The following RRM2 variants were observed in gnomAD, a reference collection of about 807,000 sequenced individuals.
RRM2 encodes the protein ribonucleotide reductase regulatory subunit M2.
RRM2 carries 6 observed loss-of-function variants against 45.9 expected under a neutral mutation model. The observed-to-expected ratio is 0.13, with a 90% CI of 0.07 to 0.26. The LOEUF (loss-of-function observed/expected upper bound fraction) is 0.26. Among genes scored for constraint, RRM2 ranks in the 10% least tolerant of loss-of-function variants. RRM2 has a pLI of 1.00. For missense variants in RRM2, 343 were observed against 489.5 expected (o/e 0.70, Z 2.82); for synonymous variants, 177 against 173.0 (o/e 1.02, Z -0.18).
intron 3 of RRM2, among the ~76,000 whole-genome samples, chr2:10,177,281 TA>T (rs35834143): frequency 0.61 from 91,880 of 151,468 alleles, 28,292 homozygotes; most frequent in Non-Finnish European, 0.66. Flanking sequence ...TAAAATAGAA[TA>T]AAAAAAAATA....
chr2:10,206,227 C>T (rs907821717), intron 3 of RRM2, among the ~76,000 whole-genome samples: 4 of 133,426 alleles, frequency 3.0e-5, no homozygotes, highest in African/African-American at 1.1e-4. Context: ...GCCTGGGCAA[C>T]AGAGCAAGAC....
At chr2:10,179,032 G>A (rs6728835) in intron 3 of RRM2, among the ~76,000 whole-genome samples, 124,336 of 151,972 alleles carry the variant, frequency 0.82, 51,540 homozygotes, top group East Asian at 1. Context: ...ATGCAGTCTA[G>A]GGTATTTTGT....
chr2:10,203,546 C>G (rs922340760), intron 3 of RRM2, among the ~76,000 whole-genome samples: 3 of 152,100 alleles, frequency 2.0e-5, no homozygotes, highest in Non-Finnish European at 4.4e-5. Flanking sequence ...GTCAGGAGTT[C>G]GAGCCCAGCC....
At chr2:10,177,702 C>T (rs865884543) in intron 3 of RRM2, among the ~76,000 whole-genome samples, 12 of 142,400 alleles carry the variant, frequency 8.4e-5, no homozygotes, top group African/African-American at 2.9e-4. Flanking sequence ...TTCCTTCCTT[C>T]CTTCCTCTCT....
chr2:10,148,561 GTC>G (rs1355794849), intron 3 of RRM2, among the ~76,000 whole-genome samples: 5 of 152,230 alleles, frequency 3.3e-5, no homozygotes, highest in African/African-American at 1.2e-4. Flanking sequence ...CTGTGGGAAA[GTC>G]TGAGTCTAAC....
rs1396361244 is a variant in RRM2 at position 10,127,665 on chromosome 2, G to T, written c.798+445G>T. 6.6e-6 allele frequency among the ~76,000 whole-genome samples: 1 copy of T among 151,798 alleles called. No homozygotes were observed. Among genetic ancestry groups the T allele is most frequent in the Non-Finnish European group, 1.5e-5 (1 of 67,976 alleles). The stretch of plus-strand genomic sequence containing the variant: ...AATTTTCGTCTTTTTATACAGACGG[G>T]GTTTCACCATGTTTGCCAGACTGGG... On this transcript the variant is annotated intron_variant, in intron 7 of 9. Coordinates refer to ENST00000304567, the MANE Select transcript of RRM2 (RefSeq NM_001034.4). The surrounding 1 kb of genome is among the most constrained non-coding windows in gnomAD (Gnocchi z 4.1).
chr2:10,184,420 G>T (rs1291929237), intron 3 of RRM2, among the ~76,000 whole-genome samples: 1 of 152,252 alleles, frequency 6.6e-6, no homozygotes, highest in Non-Finnish European at 1.5e-5. Context: ...GCTCAGGTTG[G>T]CTGGGATGGT....
intron 3 of RRM2, among the ~76,000 whole-genome samples, chr2:10,197,989 C>T (rs1664449489): frequency 6.6e-6 from 1 of 152,172 alleles, no homozygotes; most frequent in South Asian, 2.1e-4. Flanking sequence ...TCCCTCCCTA[C>T]AAGCACGCTC....
At chr2:10,122,718 T>G, upstream of RRM2, 1 of 1,551,314 alleles carries the variant, frequency 6.4e-7, no homozygotes, top group Non-Finnish European at 8.7e-7. Flanking sequence ...ATTTAAAGGC[T>G]GCTGGAGTGA....
chr2:10,170,218 C>T (rs1302873048), intron 3 of RRM2, among the ~76,000 whole-genome samples: 1 of 152,216 alleles, frequency 6.6e-6, no homozygotes, highest in African/African-American at 2.4e-5. Flanking sequence ...TTCCCAATTA[C>T]CTTTCATATT....
chr2:10,170,650 G>C (rs1663781930), intron 3 of RRM2, among the ~76,000 whole-genome samples: 1 of 152,100 alleles, frequency 6.6e-6, no homozygotes, highest in African/African-American at 2.4e-5. Context: ...CTGGGTCATG[G>C]GTCATTTACG....
chr2:10,124,730 G>C lies in RRM2; in HGVS notation c.449G>C (p.Ser150Thr). 4.3e-6 allele frequency: 7 copies of C among 1,611,664 alleles called. No homozygotes were observed. The highest frequency in any genetic ancestry group is 5.9e-6 in the Non-Finnish European group (7 of 1,179,770). ...TTTTGCCACTAGGTGGAGCGATTTAGCCAAGAAGTTCAGATTACAGAAGCC... is the reference window on the plus strand; with the variant it reads ...TTTTGCCACTAGGTGGAGCGATTTACCCAAGAAGTTCAGATTACAGAAGCC... ...IVNENLVERF[S>T]QEVQITEARC... The change falls in exon 5 of 10, where the codon AGC becomes ACC. Residue 150 changes from serine to threonine, a missense_variant. This residue lies in a region of RRM2 where 212 missense variants were observed against 368.1 expected (regional missense o/e 0.58). Coordinates refer to ENST00000304567, the MANE Select transcript of RRM2 (RefSeq NM_001034.4).
At chr2:10,137,919 G>T (rs1481799919), upstream of RRM2, among the ~76,000 whole-genome samples, 2 of 152,204 alleles carry the variant, frequency 1.3e-5, no homozygotes, top group Non-Finnish European at 2.9e-5. Context: ...ACTGATGTGG[G>T]TCCCAATGTT....
At chr2:10,193,019 G>T (rs188849041) in intron 3 of RRM2, among the ~76,000 whole-genome samples, 1 of 152,304 alleles carries the variant, frequency 6.6e-6, no homozygotes, top group African/African-American at 2.4e-5. Flanking sequence ...ACCTGCCCTG[G>T]GCTCCCTTCT....
chr2:10,179,618 C>T (rs72788320), intron 3 of RRM2, among the ~76,000 whole-genome samples: 39,183 of 152,156 alleles, frequency 0.26, 6,158 homozygotes, highest in Non-Finnish European at 0.36. Context: ...CTTCTTGACT[C>T]ACAACATGGT....
chr2:10,185,203 C>T lies in RRM2; in HGVS notation n.483-25108C>T, dbSNP rs1664138682. Among the ~76,000 whole-genome samples the T allele has an allele frequency of 6.6e-6, 1 of 152,060 alleles. No homozygotes were observed. On this transcript the variant is annotated intron_variant and non_coding_transcript_variant, in intron 3 of 3. Transcript: ENST00000381786. The surrounding 1 kb of genome is among the most constrained non-coding windows in gnomAD (Gnocchi z 4.3). Reference sequence around the variant, plus strand: ...CTCCACGCAGAGGAGAATCAGTATGCAGCTGTTAATTTTGGCTGCTGACTC... The same window carrying T: ...CTCCACGCAGAGGAGAATCAGTATGTAGCTGTTAATTTTGGCTGCTGACTC...
chr2:10,198,233 C>A (rs1664455490), intron 3 of RRM2, among the ~76,000 whole-genome samples: 1 of 152,190 alleles, frequency 6.6e-6, no homozygotes, highest in Admixed American at 6.5e-5. Flanking sequence ...CAGGATAGGG[C>A]AGTCCTCCAC....
chr2:10,144,798 A>G (rs1307657825), intron 3 of RRM2, among the ~76,000 whole-genome samples: 2 of 152,200 alleles, frequency 1.3e-5, no homozygotes, highest in Non-Finnish European at 2.9e-5. Context: ...ACTTGCCGTC[A>G]GTAAATGGTA....
At chr2:10,149,697 C>T (rs962792990) in intron 3 of RRM2, among the ~76,000 whole-genome samples, 2 of 152,210 alleles carry the variant, frequency 1.3e-5, no homozygotes, top group East Asian at 3.8e-4. Context: ...GCGAGGACTA[C>T]ACCCAGTGCC....
Sources: allele counts gnomAD v4.1 joint callset (sites outside exome capture counted in the v4.1 genomes callset), GRCh38; gene constraint gnomAD v4.1.1; regional missense constraint gnomAD v4.1.1; non-coding constraint Gnocchi (gnomAD v3.1); transcripts MANE v1.5; gene names NCBI Gene and HGNC (gene_info 2026-07-23, HGNC 2026-07-21).